The following NPSR1 variants were observed in gnomAD, a reference collection of about 807,000 sequenced individuals.
The protein encoded by NPSR1 is neuropeptide S receptor.
In NPSR1, 48 loss-of-function variants were observed where a neutral mutation model predicts 46.9. The ratio of observed to expected loss-of-function variants is 1.02; its 90% confidence interval spans 0.81 to 1.30. NPSR1 has a LOEUF of 1.30. NPSR1 is among the 50% of genes most tolerant of loss of function. NPSR1 has a pLI of 0.00. For synonymous variants in NPSR1, 176 were observed against 168.1 expected (o/e 1.05, Z -0.36); for missense variants, 450 against 449.5 (o/e 1.00, Z -0.01).
intron 2 of NPSR1, among the ~76,000 whole-genome samples, chr7:34,727,318 G>A (rs1281592123): frequency 2.6e-5 from 4 of 152,188 alleles, no homozygotes; most frequent in Non-Finnish European, 5.9e-5. Flanking sequence ...CTCCAGGAGG[G>A]TGATCATGTT....
At chr7:34,796,401 C>G (rs1163889325) in intron 3 of NPSR1, among the ~76,000 whole-genome samples, 1 of 151,972 alleles carries the variant, frequency 6.6e-6, no homozygotes, top group Admixed American at 6.6e-5. Context: ...AAACCACAGA[C>G]TAAAGAGAAT....
chr7:34,847,380 T>A (rs2128764615), intron 7 of NPSR1, among the ~76,000 whole-genome samples: 1 of 149,424 alleles, frequency 6.7e-6, no homozygotes, highest in Admixed American at 6.7e-5. Context: ...TGTGTCGTAG[T>A]CTGTGCTTTC....
downstream of NPSR1, among the ~76,000 whole-genome samples, chr7:34,853,339 G>A (rs545568540): frequency 6.0e-4 from 91 of 152,274 alleles, no homozygotes; most frequent in Admixed American, 2.4e-3. Context: ...CAATTTTCTC[G>A]TCATCATTTG....
At chr7:34,723,933 T>C (rs1408874749) in intron 2 of NPSR1, among the ~76,000 whole-genome samples, 3 of 152,264 alleles carry the variant, frequency 2.0e-5, no homozygotes, top group Non-Finnish European at 4.4e-5. Flanking sequence ...AACAATCACA[T>C]GAAGAAGCTA....
chr7:34,869,472 T>G (rs1278563747), intron 8 of NPSR1, among the ~76,000 whole-genome samples: 1 of 151,738 alleles, frequency 6.6e-6, no homozygotes, highest in Non-Finnish European at 1.5e-5. Flanking sequence ...AGTAGTCTTC[T>G]GACTGTCACC....
At chr7:34,699,574 G>A (rs1485658005) in intron 2 of NPSR1, among the ~76,000 whole-genome samples, 1 of 152,100 alleles carries the variant, frequency 6.6e-6, no homozygotes, top group African/African-American at 2.4e-5. Context: ...GCATGGTGTG[G>A]CTCTCTTCCT....
intron 3 of NPSR1, among the ~76,000 whole-genome samples, chr7:34,808,906 T>A (rs547770044): frequency 1.3e-5 from 2 of 152,308 alleles, no homozygotes; most frequent in Admixed American, 1.3e-4. Flanking sequence ...CTGAAGATGG[T>A]TAATCTCTGA....
At chr7:34,808,975 C>T (rs1193146954) in intron 3 of NPSR1, among the ~76,000 whole-genome samples, 1 of 152,230 alleles carries the variant, frequency 6.6e-6, no homozygotes, top group East Asian at 1.9e-4. Flanking sequence ...ACATTGACTG[C>T]TCTTCTGGAC....
intron 8 of NPSR1, among the ~76,000 whole-genome samples, chr7:34,867,643 A>C (rs1791342767): frequency 6.6e-6 from 1 of 151,894 alleles, no homozygotes; most frequent in Non-Finnish European, 1.5e-5. Flanking sequence ...CCCCAGGAGC[A>C]ACAGGGATGA....
chr7:34,709,337 C>A (rs1794270629), intron 2 of NPSR1, among the ~76,000 whole-genome samples: 1 of 152,122 alleles, frequency 6.6e-6, no homozygotes. Context: ...ATAATTATTA[C>A]CTGTTCTCAA....
chr7:34,660,081 T>A (rs1583749985), intron 1 of NPSR1: 1 of 456,084 alleles, frequency 2.2e-6, no homozygotes, highest in African/African-American at 2.0e-5. Flanking sequence ...AAGAAACAAA[T>A]CCCACCTTGC....
intron 3 of NPSR1, among the ~76,000 whole-genome samples, chr7:34,788,856 A>C (rs956779077): frequency 6.6e-6 from 1 of 152,120 alleles, no homozygotes; most frequent in African/African-American, 2.4e-5. Context: ...AGAATATATA[A>C]TCTTTTGAAG....
At chr7:34,686,618 C>CTTCTTGCTTCCTCCTTCCACTAAA (rs1792941327) in intron 2 of NPSR1, among the ~76,000 whole-genome samples, 2 of 152,084 alleles carry the variant, frequency 1.3e-5, no homozygotes, top group Non-Finnish European at 2.9e-5. Flanking sequence ...TTCTCTTTTG[C>CTTCTTGCTTCCTCCTTCCACTAAA]TTCTTGCTTC....
intron 2 of NPSR1, chr7:34,751,265 T>C: frequency 3.1e-6 from 3 of 981,310 alleles, no homozygotes; most frequent in African/African-American, 1.6e-5. Flanking sequence ...AGTGGAGACT[T>C]TTCTAGCATG....
intron 1 of NPSR1, among the ~76,000 whole-genome samples, chr7:34,673,304 A>T (rs1792150268): frequency 6.6e-6 from 1 of 152,140 alleles, no homozygotes; most frequent in Admixed American, 6.5e-5. Flanking sequence ...TTGAACTTTG[A>T]TACTAGATTC....
intron 2 of NPSR1, among the ~76,000 whole-genome samples, chr7:34,714,548 A>G (rs1367152950): frequency 6.6e-6 from 1 of 152,242 alleles, no homozygotes; most frequent in Non-Finnish European, 1.5e-5. Context: ...GGACTTTCAC[A>G]TATTAGAGCA....
At chr7:34,862,901 A>G (rs1791221784) in intron 8 of NPSR1, among the ~76,000 whole-genome samples, 1 of 151,754 alleles carries the variant, frequency 6.6e-6, no homozygotes, top group Admixed American at 6.6e-5. Flanking sequence ...AATATAGACC[A>G]TCATATGTTC....
At chr7:34,696,999 A>C (rs1319008303) in intron 2 of NPSR1, among the ~76,000 whole-genome samples, 6 of 151,996 alleles carry the variant, frequency 3.9e-5, no homozygotes, top group African/African-American at 1.4e-4. Flanking sequence ...ACATACCAAA[A>C]TGTTTATAGG....
At chr7:34,850,194 C>A (rs777921636), downstream of NPSR1, among the ~76,000 whole-genome samples, 1 of 152,208 alleles carries the variant, frequency 6.6e-6, no homozygotes, top group Non-Finnish European at 1.5e-5. Context: ...CCTCGGTTTG[C>A]AGATGGGTGT....
Sources: allele counts gnomAD v4.1 joint callset (sites outside exome capture counted in the v4.1 genomes callset), GRCh38; gene constraint gnomAD v4.1.1; transcripts MANE v1.5; gene names NCBI Gene and HGNC (gene_info 2026-07-23, HGNC 2026-07-21).